The following CTNNA2 variants were observed in gnomAD, a reference collection of about 807,000 sequenced individuals.
CTNNA2 encodes catenin alpha 2, also known as catenin alpha-2.
In CTNNA2, 42 loss-of-function variants were observed where a neutral mutation model predicts 101.0. That is an observed-to-expected ratio of 0.42 (90% CI 0.32 to 0.54). The LOEUF (loss-of-function observed/expected upper bound fraction) is 0.54, where lower values mean the gene tolerates loss of function less well. CTNNA2 is among the 20% of genes least tolerant of loss of function. The pLI is 0.14. For synonymous variants in CTNNA2, 450 were observed against 456.4 expected (o/e 0.99, Z 0.18); for missense variants, 871 against 1,223.1 (o/e 0.71, Z 4.29).
intron 7 of CTNNA2, among the ~76,000 whole-genome samples, chr2:80,383,091 T>C (rs1321962242): frequency 1.3e-5 from 2 of 152,164 alleles, no homozygotes; most frequent in Non-Finnish European, 2.9e-5. Context: ...CTTTTAGCAA[T>C]CACCCAAGCT....
chr2:79,820,062 T>C (rs1390143296), intron 3 of CTNNA2, among the ~76,000 whole-genome samples: 1 of 149,660 alleles, frequency 6.7e-6, no homozygotes, highest in Non-Finnish European at 1.5e-5. Flanking sequence ...TATATGACTG[T>C]AAATCCTCAG....
intron 4 of CTNNA2, among the ~76,000 whole-genome samples, chr2:79,429,392 A>C (rs2104508854): frequency 6.6e-6 from 1 of 152,274 alleles, no homozygotes. Flanking sequence ...TGTTGAAAAT[A>C]AATGAGATAA....
At chr2:80,268,800 T>G (rs1459409468) in intron 7 of CTNNA2, among the ~76,000 whole-genome samples, 1 of 152,184 alleles carries the variant, frequency 6.6e-6, no homozygotes, top group African/African-American at 2.4e-5. Context: ...ATTCATTTTT[T>G]CCAAGGTTTT....
intron 7 of CTNNA2, among the ~76,000 whole-genome samples, chr2:79,993,170 G>C (rs1692299706): frequency 6.6e-6 from 1 of 152,102 alleles, no homozygotes; most frequent in Non-Finnish European, 1.5e-5. Flanking sequence ...GACCCACAGA[G>C]GTTTGTTCAT....
In CTNNA2 at chr2:80,275,695, T is replaced by C. The variant is rs555667610; in HGVS notation, c.1057-117516T>C. Among the ~76,000 whole-genome samples the C allele has an allele frequency of 2.4e-4, 36 of 152,060 alleles. 1 individual carries two copies. Among genetic ancestry groups the C allele is most frequent in the African/African-American group, 8.0e-4 (33 of 41,504 alleles). ...AATATTATTCTGTCACTCTTAAGAATTTTTCAGAGAGAGAGAGAAAGAGAG... is the reference window on the plus strand; with the variant it reads ...AATATTATTCTGTCACTCTTAAGAACTTTTCAGAGAGAGAGAGAAAGAGAG... On this transcript the variant is annotated intron_variant, in intron 7 of 18. Transcript: ENST00000402739.
At chr2:79,900,780 A>G (rs895231439) in intron 6 of CTNNA2, among the ~76,000 whole-genome samples, 15 of 152,072 alleles carry the variant, frequency 9.9e-5, no homozygotes, top group African/African-American at 3.6e-4. Flanking sequence ...TAATACATTT[A>G]AAAATAACTA....
intron 2 of CTNNA2, among the ~76,000 whole-genome samples, chr2:79,284,874 T>C (rs1205398588): frequency 1.4e-5 from 2 of 141,438 alleles, no homozygotes; most frequent in Non-Finnish European, 3.1e-5. Context: ...AATTCGGCTG[T>C]GAATCCATCT....
intron 3 of CTNNA2, among the ~76,000 whole-genome samples, chr2:79,853,830 G>A (rs1425817345): frequency 1.3e-5 from 2 of 151,834 alleles, no homozygotes; most frequent in East Asian, 1.9e-4. Context: ...CACCATGCCT[G>A]GCTAATTTTG....
At chr2:80,575,352 TATC>T (rs1322273574) in intron 13 of CTNNA2, 6 of 152,160 alleles carry the variant, frequency 3.9e-5, no homozygotes, top group African/African-American at 1.4e-4. Flanking sequence ...GTATCCAAAA[TATC>T]ATTTTGTGGC....
At chr2:79,798,654 G>T (rs964800334) in intron 3 of CTNNA2, among the ~76,000 whole-genome samples, 2 of 150,796 alleles carry the variant, frequency 1.3e-5, no homozygotes, top group African/African-American at 4.9e-5. Flanking sequence ...TGACCAAAAG[G>T]GGCCTTCGAA....
At chr2:79,217,706 C>G (rs987891968) in intron 2 of CTNNA2, among the ~76,000 whole-genome samples, 1 of 152,100 alleles carries the variant, frequency 6.6e-6, no homozygotes, top group Admixed American at 6.5e-5. Flanking sequence ...AGAGGCCTGA[C>G]AAAAGTAAAA....
At chr2:80,507,049 C>T (rs78658683) in intron 9 of CTNNA2, among the ~76,000 whole-genome samples, 3 of 152,138 alleles carry the variant, frequency 2.0e-5, no homozygotes, top group African/African-American at 7.2e-5. Context: ...AAGAGTTTAG[C>T]CCTGAAACTT....
chr2:79,509,762 T>A (rs184391402), upstream of CTNNA2, among the ~76,000 whole-genome samples: 3 of 152,300 alleles, frequency 2.0e-5, no homozygotes, highest in East Asian at 5.8e-4. Context: ...TTGGTGATGA[T>A]GATGTGTCAA....
intron 2 of CTNNA2, among the ~76,000 whole-genome samples, chr2:79,205,864 A>G (rs1028508120): frequency 5.3e-5 from 8 of 152,214 alleles, no homozygotes; most frequent in Non-Finnish European, 7.3e-5. Context: ...TGAAGATGAA[A>G]ACTGGTTCAG....
chr2:79,628,015 TA>T (rs1303170133), intron 1 of CTNNA2, among the ~76,000 whole-genome samples: 2 of 152,226 alleles, frequency 1.3e-5, no homozygotes, highest in Non-Finnish European at 2.9e-5. Flanking sequence ...AGTGTACACA[TA>T]AGTATAGATA....
At chr2:79,437,649 G>A (rs1165554165) in intron 4 of CTNNA2, among the ~76,000 whole-genome samples, 1 of 152,116 alleles carries the variant, frequency 6.6e-6, no homozygotes, top group Non-Finnish European at 1.5e-5. Flanking sequence ...TAACATAACC[G>A]TGTGTCACTA....
chr2:79,567,687 G>A (rs1675199359), intron 1 of CTNNA2, among the ~76,000 whole-genome samples: 1 of 152,018 alleles, frequency 6.6e-6, no homozygotes, highest in Non-Finnish European at 1.5e-5. Context: ...TGAGTTCCCT[G>A]GAGTTGCAGC....
intron 4 of CTNNA2, among the ~76,000 whole-genome samples, chr2:79,477,159 CTTT>C (rs1273995759): frequency 7.2e-5 from 8 of 110,930 alleles, no homozygotes; most frequent in African/African-American, 2.6e-4. Context: ...TCTTTTTTTT[CTTT>C]TTTTTCTTTT....
intron 6 of CTNNA2, among the ~76,000 whole-genome samples, chr2:79,876,391 G>C (rs954976445): frequency 1.3e-4 from 20 of 152,074 alleles, no homozygotes; most frequent in African/African-American, 4.8e-4. Flanking sequence ...AAAAATCATA[G>C]GCAATCTCAA....
Sources: allele counts gnomAD v4.1 joint callset (sites outside exome capture counted in the v4.1 genomes callset), GRCh38; gene constraint gnomAD v4.1.1; transcripts MANE v1.5; gene names NCBI Gene and HGNC (gene_info 2026-07-23, HGNC 2026-07-21).